Variants in SYNJ2 observed in about 807,000 individuals in gnomAD.
SYNJ2 encodes synaptojanin 2, also known as polyphosphatidylinositol phosphatase SYNJ2.
In SYNJ2, 116 loss-of-function variants were observed where a neutral mutation model predicts 141.3. The ratio of observed to expected loss-of-function variants is 0.82; its 90% CI spans 0.71 to 0.96. SYNJ2 has a LOEUF of 0.96. Among genes scored for constraint, SYNJ2 ranks in the 40% least tolerant of loss-of-function variants. The probability of loss-of-function intolerance (pLI) is 0.00; values close to 1 mark genes in which losing one functional copy is unlikely to be tolerated. For missense variants in SYNJ2, 1,873 were observed against 1,934.8 expected, an observed-to-expected ratio of 0.97 and a Z score of 0.60; for synonymous variants, 745 against 777.7, an observed-to-expected ratio of 0.96 and a Z score of 0.70.
At chr6:158,022,576 G>A (rs771072547) in intron 2 of SYNJ2, among the ~76,000 whole-genome samples, 1 of 152,194 alleles carries the variant, frequency 6.6e-6, no homozygotes, top group Non-Finnish European at 1.5e-5. Flanking sequence ...GACTATTGGC[G>A]CATCCTCCTG....
chr6:158,032,484 C>A (rs1166613475), intron 3 of SYNJ2, among the ~76,000 whole-genome samples: 1 of 152,182 alleles, frequency 6.6e-6, no homozygotes, highest in East Asian at 1.9e-4. Flanking sequence ...ACTCAGGTCC[C>A]CTGGGTGCTA....
At chr6:158,073,631 A>G (rs561979347) in intron 15 of SYNJ2, among the ~76,000 whole-genome samples, 287 of 152,346 alleles carry the variant, frequency 1.9e-3, no homozygotes, top group Non-Finnish European at 2.7e-3. Flanking sequence ...ATCAGTATCC[A>G]TGTGGCCAGT....
intron 8 of SYNJ2, 41 bp downstream of exon 8, chr6:158,062,205 G>A (rs747109375): frequency 2.6e-5 from 41 of 1,596,992 alleles, no homozygotes; most frequent in Non-Finnish European, 1.7e-6. Context: ...TCTGCTGGGG[G>A]GAAGCGTCAG....
chr6:158,038,557 G>A (rs1352192181), intron 4 of SYNJ2, among the ~76,000 whole-genome samples: 2 of 152,176 alleles, frequency 1.3e-5, no homozygotes, highest in Non-Finnish European at 2.9e-5. Context: ...CCCATCCATC[G>A]GAGACCCCGG....
chr6:158,074,923 C>CTTTTTTT (rs66487650), intron 16 of SYNJ2, among the ~76,000 whole-genome samples, 185 bp downstream of exon 16: 1 of 144,270 alleles, frequency 6.9e-6, no homozygotes, highest in Non-Finnish European at 1.5e-5. Flanking sequence ...ACTTCCTGTC[C>CTTTTTTT]TTTTTTTTTT....
rs1359260678 is a variant in SYNJ2 at position 158,071,816 on chromosome 6, G to A, written c.2133+22G>A. ...AATGGTGAGCGGCGCCGTGGGGACA[G>A]CCAGCACCTCCCTGCTCAGCTCAGT... On this transcript the variant is annotated intron_variant, in intron 15 of 26. Coordinates refer to ENST00000355585, the MANE Select transcript of SYNJ2 (RefSeq NM_003898.4). This position sits in a 1 kb window ranked among gnomAD's most constrained non-coding sequence, Gnocchi z 4.3. 1.2e-6 allele frequency: 2 copies of A among 1,608,434 alleles called. No individual in the cohort carries two copies. The highest frequency in any genetic ancestry group is 2.2e-5 in the East Asian group (1 of 44,856).
intron 12 of SYNJ2, among the ~76,000 whole-genome samples, chr6:158,068,340 C>G (rs1781695348): frequency 6.6e-6 from 1 of 152,066 alleles, no homozygotes; most frequent in African/African-American, 2.4e-5. Context: ...GGCTCAGGAG[C>G]CTGGGTGTCA....
rs543398118 is a variant in SYNJ2 at position 158,022,303 on chromosome 6, CAG to C, written c.214+5016_214+5017del. Among the ~76,000 whole-genome samples the C allele has an allele frequency of 1.6e-3, 250 of 152,304 alleles. 1 individual carries two copies. The highest frequency in any genetic ancestry group is 6.8e-3 in the Middle Eastern group (2 of 294). ...ACAGACCAGGCTGGGAAGGTGAACT[CAG>C]AGCTGAGACAACACAAGGAAATGCC... On this transcript the variant is annotated intron_variant, in intron 2 of 26. Transcript: ENST00000355585.
chr6:158,054,658 G>GATCTGAC (rs1277680311), intron 5 of SYNJ2, among the ~76,000 whole-genome samples: 1 of 152,196 alleles, frequency 6.6e-6, no homozygotes, highest in Non-Finnish European at 1.5e-5. Context: ...GAGAGCTTAG[G>GATCTGAC]ATCTGACATC....
At chr6:157,997,462 T>G (rs1777676276) in intron 1 of SYNJ2, among the ~76,000 whole-genome samples, 1 of 152,160 alleles carries the variant, frequency 6.6e-6, no homozygotes, top group Non-Finnish European at 1.5e-5. Context: ...GACAGCCATA[T>G]GACAATGGAG....
At chr6:157,983,609 C>A (rs1777091026) in intron 1 of SYNJ2, among the ~76,000 whole-genome samples, 1 of 151,942 alleles carries the variant, frequency 6.6e-6, no homozygotes, top group Non-Finnish European at 1.5e-5. Flanking sequence ...TTTATTTTTT[C>A]AAAAGTGAAG....
chr6:158,081,577 T>C, intron 20 of SYNJ2, 67 bp downstream of exon 20: 1 of 1,142,728 alleles, frequency 8.8e-7, no homozygotes, highest in Non-Finnish European at 1.3e-6. Flanking sequence ...TGGGCATGTC[T>C]TCTTCCTCCT....
intron 1 of SYNJ2, among the ~76,000 whole-genome samples, chr6:158,000,043 G>A (rs142578188): frequency 3.0e-4 from 41 of 134,610 alleles, no homozygotes; most frequent in African/African-American, 1.1e-3. Flanking sequence ...TCTGGGGCCA[G>A]GTTCTCACCA....
At position 157,995,180 on chromosome 6, in the gene SYNJ2, G is replaced by A. The variant is rs538058592; in HGVS notation, c.127+13092G>A. On this transcript the variant is annotated intron_variant, in intron 1 of 26. Coordinates refer to ENST00000355585, the MANE Select transcript of SYNJ2 (RefSeq NM_003898.4). ...TGAGAAAATATGATGAAATATGACT[G>A]CGTATGAATAGCCCCAGACTTCTAG... is the stretch of plus-strand genomic sequence containing the variant. Among the ~76,000 whole-genome samples, 104 of 152,312 alleles carry A rather than the reference G, an allele frequency of 6.8e-4. 3 individuals carry two copies. The South Asian group carries it at 0.014, about 21-fold the overall frequency.
intron 8 of SYNJ2, 32 bp from the exon 9 acceptor site, chr6:158,063,759 A>T: frequency 6.2e-7 from 1 of 1,602,974 alleles, no homozygotes; most frequent in Admixed American, 1.7e-5. Flanking sequence ...TGAAAACAAC[A>T]TATAACCGTT....
chr6:157,985,616 T>C (rs1777170304), intron 1 of SYNJ2, among the ~76,000 whole-genome samples: 1 of 152,240 alleles, frequency 6.6e-6, no homozygotes, highest in South Asian at 2.1e-4. Context: ...TCTCTGTCTC[T>C]TGTAAACTTA....
intron 1 of SYNJ2, among the ~76,000 whole-genome samples, chr6:158,000,234 A>G (rs1486478621): frequency 6.6e-6 from 1 of 151,878 alleles, no homozygotes; most frequent in African/African-American, 2.4e-5. Flanking sequence ...AAATAGCATG[A>G]TGTTTTCTCC....
Position 158,064,888 on chromosome 6 carries a change from C to T in SYNJ2, c.1422C>T (p.Asp474=), listed in dbSNP as rs180864980. 5.8e-5 allele frequency: 93 copies of T among 1,613,690 alleles called. No individual in the cohort carries two copies. Among genetic ancestry groups the T allele is most frequent in the East Asian group, 1.1e-4 (5 of 44,868 alleles). ...GAACCATCCAGTCCAACTTCTTCGA[C>T]GGGGTGAAGCAGGAGGCCATCAAGC... is the stretch of plus-strand genomic sequence containing the variant. The part of the protein sequence containing the change: ...MSRTIQSNFF[D]GVKQEAIKLL... Residue 474 remains aspartate, a synonymous_variant, in exon 11 of 27, where the codon GAC becomes GAT. Transcript: ENST00000355585.
chr6:158,094,199 C>T (rs549607576), intron 26 of SYNJ2: 2 of 514,530 alleles, frequency 3.9e-6, no homozygotes, highest in Admixed American at 3.4e-5. Context: ...TGCTTCCTTA[C>T]AAAGTGGACC....
Sources: allele counts gnomAD v4.1 joint callset (sites outside exome capture counted in the v4.1 genomes callset), GRCh38; gene constraint gnomAD v4.1.1; non-coding constraint Gnocchi (gnomAD v3.1); transcripts MANE v1.5; gene names NCBI Gene and HGNC (gene_info 2026-07-23, HGNC 2026-07-21).